The following CD99L2 variants were observed in gnomAD, a reference collection of about 807,000 sequenced individuals.
CD99L2 encodes the protein CD99 molecule like 2.
A neutral mutation model predicts 27.3 loss-of-function variants in CD99L2; 24 were observed. The ratio of observed to expected loss-of-function variants is 0.88; its 90% CI spans 0.64 to 1.24. The LOEUF (loss-of-function observed/expected upper bound fraction) is 1.24. CD99L2 is among the 50% of genes most tolerant of loss of function. The pLI is 0.00. For synonymous variants in CD99L2, 97 were observed against 87.9 expected (o/e 1.10, Z -0.58); for missense variants, 255 against 221.6 (o/e 1.15, Z -0.96).
chrX:150,829,594 T>G (rs1482612246), intron 2 of CD99L2: 2 of 303,097 alleles, frequency 6.6e-6, no homozygotes, highest in African/African-American at 2.8e-5. Flanking sequence ...TGTGGTACAT[T>G]CCTAAGGCAG....
intron 1 of CD99L2, 97 bp downstream of exon 1, chrX:150,898,425 C>A (rs2047653908): frequency 1.1e-5 from 8 of 703,376 alleles, no homozygotes; most frequent in Non-Finnish European, 1.3e-5. Context: ...ACCGCAGGCC[C>A]GAGAGGCGGG....
intron 7 of CD99L2, among the ~76,000 whole-genome samples, chrX:150,784,668 TG>T (rs2045567096): frequency 8.9e-6 from 1 of 112,558 alleles, no homozygotes; most frequent in Non-Finnish European, 1.9e-5. Context: ...AGGCTCACCC[TG>T]GCTTCGCCAA....
chrX:150,854,728 T>C (rs782010702), intron 1 of CD99L2, among the ~76,000 whole-genome samples: 1 of 111,016 alleles, frequency 9.0e-6, no homozygotes, highest in East Asian at 2.8e-4. Flanking sequence ...ACAGATTCTG[T>C]CTCACAACCC....
At chrX:150,890,823 A>C (rs1557422794) in intron 1 of CD99L2, among the ~76,000 whole-genome samples, 1 of 113,202 alleles carries the variant, frequency 8.8e-6, no homozygotes, top group African/African-American at 3.2e-5. Flanking sequence ...CTGGAGGAGA[A>C]GGGTGGGAAA....
chrX:150,883,246 A>C (rs1038920766), intron 1 of CD99L2, among the ~76,000 whole-genome samples: 1 of 112,171 alleles, frequency 8.9e-6, no homozygotes, highest in African/African-American at 3.2e-5. Context: ...AACCCATAAA[A>C]GACAGTGGAA....
In CD99L2 at chrX:150,845,190, T is replaced by C. The variant is rs138671977; in HGVS notation, c.68-13897A>G. Among the ~76,000 whole-genome samples the C allele has an allele frequency of 8.8e-3, 984 of 111,709 alleles. 11 individuals are homozygous for C. The highest frequency in any genetic ancestry group is 0.03 in the African/African-American group (936 of 30,747). ...GCCTCAGATGCCTGCAAGGATAACCTTTTCCAAGAAGTCAGAGCTGAGAGC... is the reference window on the plus strand; with the variant it reads ...GCCTCAGATGCCTGCAAGGATAACCCTTTCCAAGAAGTCAGAGCTGAGAGC... On this transcript the variant is annotated intron_variant, in intron 1 of 10. Transcript: ENST00000370377.
chrX:150,884,915 T>C (rs1198582594), intron 1 of CD99L2, among the ~76,000 whole-genome samples: 1 of 112,170 alleles, frequency 8.9e-6, no homozygotes, highest in Non-Finnish European at 1.9e-5. Flanking sequence ...ACTTGTGATA[T>C]AGTCAAACAG....
chrX:150,868,060 C>T (rs1023097704), intron 1 of CD99L2, among the ~76,000 whole-genome samples: 16 of 103,153 alleles, frequency 1.6e-4, no homozygotes, highest in African/African-American at 4.9e-4. Flanking sequence ...CCAGCCTAGG[C>T]GACAGAGTGA....
At chrX:150,782,011 C>T (rs189231021) in intron 7 of CD99L2, among the ~76,000 whole-genome samples, 16 of 112,016 alleles carry the variant, frequency 1.4e-4, no homozygotes, top group African/African-American at 4.2e-4. Flanking sequence ...TCTCTGACAG[C>T]AGCACAACCT....
intron 10 of CD99L2, among the ~76,000 whole-genome samples, chrX:150,769,692 TCGGCTG>T (rs2043394232): frequency 1.3e-5 from 1 of 77,574 alleles, no homozygotes; most frequent in Non-Finnish European, 2.0e-5. Context: ...CCACCAGGCC[TCGGCTG>T]CTCCCCGACC....
chrX:150,814,085 T>C (rs2046114500), intron 4 of CD99L2, among the ~76,000 whole-genome samples: 1 of 112,236 alleles, frequency 8.9e-6, no homozygotes, highest in Non-Finnish European at 1.9e-5. Context: ...ACACATGGCA[T>C]TACTTGGAAG....
At chrX:150,849,042 T>C (rs1181733884) in intron 1 of CD99L2, among the ~76,000 whole-genome samples, 1 of 111,378 alleles carries the variant, frequency 9.0e-6, no homozygotes, top group Non-Finnish European at 1.9e-5. Flanking sequence ...TTGTGCAACT[T>C]TTCTCCATGA....
At chrX:150,838,339 G>A (rs2046564729) in intron 1 of CD99L2, among the ~76,000 whole-genome samples, 2 of 111,460 alleles carry the variant, frequency 1.8e-5, no homozygotes, top group Non-Finnish European at 3.8e-5. Context: ...AAAAACTGAG[G>A]AAATCTGAAT....
chrX:150,857,187 T>C (rs973914859), intron 1 of CD99L2, among the ~76,000 whole-genome samples: 4 of 111,525 alleles, frequency 3.6e-5, no homozygotes, highest in Non-Finnish European at 7.5e-5. Context: ...TGTAAGGGGT[T>C]GAAAAACTAA....
chrX:150,882,642 T>C (rs180687040), intron 1 of CD99L2, among the ~76,000 whole-genome samples: 1 of 110,640 alleles, frequency 9.0e-6, no homozygotes, highest in African/African-American at 3.3e-5. Flanking sequence ...GGCACTGCAC[T>C]CCAGACTGGG....
chrX:150,851,563 A>G (rs1352779578), intron 1 of CD99L2, among the ~76,000 whole-genome samples: 2 of 112,153 alleles, frequency 1.8e-5, no homozygotes, highest in African/African-American at 6.5e-5. Context: ...GTGCTATAAC[A>G]AATTCCCACA....
intron 4 of CD99L2, among the ~76,000 whole-genome samples, chrX:150,799,513 CAAA>C (rs112859570): frequency 4.0e-5 from 3 of 75,326 alleles, no homozygotes. Context: ...GACCCTGTCT[CAAA>C]AAAAAAAAAA....
Position 150,886,312 on chromosome X carries a change from A to G in CD99L2, c.67+12210T>C, listed in dbSNP as rs782584994. Among the ~76,000 whole-genome samples the G allele has an allele frequency of 2.7e-5, 3 of 112,618 alleles. No homozygotes were observed. In the South Asian group the frequency reaches 1.1e-3, roughly 42 times the overall value. ...GGGCTGCATATACGATGGTGGTACCATAAGATTGTAACTGGGACCCTAGTT... is the reference window on the plus strand; with the variant it reads ...GGGCTGCATATACGATGGTGGTACCGTAAGATTGTAACTGGGACCCTAGTT... On this transcript the variant is annotated intron_variant, in intron 1 of 10. Transcript: ENST00000370377.
At chrX:150,793,542 G>T in intron 7 of CD99L2, 149 bp downstream of exon 7, 1 of 445,512 alleles carries the variant, frequency 2.2e-6, no homozygotes, top group Non-Finnish European at 3.8e-6. Flanking sequence ...GAACTGCATG[G>T]CTCACATCAT....
Sources: allele counts gnomAD v4.1 joint callset (sites outside exome capture counted in the v4.1 genomes callset), GRCh38; gene constraint gnomAD v4.1.1; transcripts MANE v1.5; gene names NCBI Gene and HGNC (gene_info 2026-07-23, HGNC 2026-07-21).